Variants in CLYBL observed in about 807,000 individuals in gnomAD.
CLYBL encodes citramalyl-CoA lyase, also known as citramalyl-CoA lyase, mitochondrial.
Under a neutral mutation model 38.9 loss-of-function variants are expected in CLYBL, and 31 were observed. The observed-to-expected ratio is 0.80, with a 90% CI of 0.60 to 1.08. The LOEUF (loss-of-function observed/expected upper bound fraction) is 1.08, where lower values mean the gene tolerates loss of function less well. Among genes scored for constraint, CLYBL ranks in the 50% least tolerant of loss-of-function variants. The probability of loss-of-function intolerance (pLI) is 0.00; values close to 1 mark genes in which losing one functional copy is unlikely to be tolerated. For missense variants in CLYBL, 434 were observed against 411.6 expected (o/e 1.05, Z -0.47); for synonymous variants, 171 against 158.6 (o/e 1.08, Z -0.59).
At chr13:99,870,473 T>A (rs527831201) in intron 6 of CLYBL, among the ~76,000 whole-genome samples, 4,467 of 152,302 alleles carry the variant, frequency 0.029, no homozygotes, top group Non-Finnish European at 0.045. Flanking sequence ...GCAGACCATT[T>A]CTAAGAGAAA....
At chr13:99,791,426 A>G (rs952884141) in intron 2 of CLYBL, among the ~76,000 whole-genome samples, 2 of 152,174 alleles carry the variant, frequency 1.3e-5, no homozygotes, top group African/African-American at 4.8e-5. Context: ...AAAATTTAAG[A>G]GAGTGAGTAA....
intron 1 of CLYBL, among the ~76,000 whole-genome samples, chr13:99,610,703 A>G (rs2139170075): frequency 6.6e-6 from 1 of 152,312 alleles, no homozygotes; most frequent in South Asian, 2.1e-4. Context: ...ATGAGCACTT[A>G]AGGTCTTTCC....
At chr13:99,799,169 G>A (rs1289249607) in intron 2 of CLYBL, among the ~76,000 whole-genome samples, 3 of 152,114 alleles carry the variant, frequency 2.0e-5, no homozygotes, top group Admixed American at 6.5e-5. Flanking sequence ...GCTATTTTCT[G>A]TGAAGTCAGT....
At chr13:99,790,431 G>T (rs2049891416) in intron 2 of CLYBL, among the ~76,000 whole-genome samples, 1 of 152,176 alleles carries the variant, frequency 6.6e-6, no homozygotes, top group Admixed American at 6.5e-5. Context: ...TGTCTGTAAA[G>T]GATTTTATTT....
At chr13:99,839,851 T>C (rs564646773) in intron 2 of CLYBL, among the ~76,000 whole-genome samples, 114 of 152,278 alleles carry the variant, frequency 7.5e-4, no homozygotes, top group African/African-American at 2.6e-3. Context: ...ACCCTTCTAG[T>C]TATTTTTAAA....
chr13:99,696,943 A>G (rs1020713113), intron 1 of CLYBL, among the ~76,000 whole-genome samples: 1 of 152,172 alleles, frequency 6.6e-6, no homozygotes, highest in Non-Finnish European at 1.5e-5. Flanking sequence ...AACATACTGC[A>G]TCTTTTGACC....
chr13:99,824,497 G>C (rs1223935321), intron 2 of CLYBL, among the ~76,000 whole-genome samples: 1 of 152,150 alleles, frequency 6.6e-6, no homozygotes, highest in African/African-American at 2.4e-5. Flanking sequence ...GTATGTTTTA[G>C]TGAAGATTGT....
chr13:99,819,452 ATATAT>A (rs2050538446), intron 2 of CLYBL, among the ~76,000 whole-genome samples: 3 of 83,070 alleles, frequency 3.6e-5, no homozygotes, highest in African/African-American at 1.5e-4. Context: ...ATATATATAT[ATATAT>A]ATATATATAT....
chr13:99,784,545 C>G (rs1020149850), intron 2 of CLYBL, among the ~76,000 whole-genome samples: 1 of 147,646 alleles, frequency 6.8e-6, no homozygotes, highest in Non-Finnish European at 1.5e-5. Context: ...ACCTCTACCT[C>G]CTGGGTTCAA....
At chr13:99,811,431 T>TGGGG (rs1242981885) in intron 2 of CLYBL, among the ~76,000 whole-genome samples, 2 of 152,124 alleles carry the variant, frequency 1.3e-5, no homozygotes, top group African/African-American at 4.8e-5. Context: ...CAGGGAAGGA[T>TGGGG]GGGGGTGGGA....
chr13:99,676,190 T>TCCTTCCTTCCG (rs1566606807), intron 1 of CLYBL, among the ~76,000 whole-genome samples: 1 of 20,462 alleles, frequency 4.9e-5, no homozygotes, highest in Non-Finnish European at 2.0e-4. Context: ...CCGTCCGTCC[T>TCCTTCCTTCCG]TCCTTCCTTC....
chr13:99,741,514 T>G (rs764364412), intron 1 of CLYBL, among the ~76,000 whole-genome samples: 1 of 152,024 alleles, frequency 6.6e-6, no homozygotes, highest in Non-Finnish European at 1.5e-5. Context: ...AGGAAATACC[T>G]CTCAACACAA....
chr13:99,890,496 C>T (rs893823548), intron 7 of CLYBL, among the ~76,000 whole-genome samples: 4 of 152,108 alleles, frequency 2.6e-5, no homozygotes, highest in African/African-American at 4.8e-5. Context: ...GATGGAGTCC[C>T]GCTCTGTCAC....
intron 1 of CLYBL, among the ~76,000 whole-genome samples, chr13:99,720,952 C>T (rs9513652): frequency 1.3e-5 from 2 of 151,662 alleles, no homozygotes; most frequent in Non-Finnish European, 2.9e-5. Flanking sequence ...GTCTCATGTT[C>T]CCTCGTTTCT....
At chr13:99,671,299 G>A (rs1031821544) in intron 1 of CLYBL, among the ~76,000 whole-genome samples, 7 of 152,006 alleles carry the variant, frequency 4.6e-5, no homozygotes, top group South Asian at 2.1e-4. Context: ...TTGTTTTCTC[G>A]TATAATGTTT....
At chr13:99,723,181 C>T (rs1008425495) in intron 1 of CLYBL, among the ~76,000 whole-genome samples, 1 of 152,166 alleles carries the variant, frequency 6.6e-6, no homozygotes, top group African/African-American at 2.4e-5. Flanking sequence ...TGTGACTTTC[C>T]CAGGCTGGTG....
intron 1 of CLYBL, among the ~76,000 whole-genome samples, chr13:99,723,110 T>C (rs2048418242): frequency 6.6e-6 from 1 of 152,240 alleles, no homozygotes; most frequent in Non-Finnish European, 1.5e-5. Context: ...TTTTGGCTCT[T>C]GTGCAGGGCT....
chr13:99,784,300 T>C (rs1450953012), intron 2 of CLYBL, among the ~76,000 whole-genome samples: 1 of 152,168 alleles, frequency 6.6e-6, no homozygotes, highest in African/African-American at 2.4e-5. Flanking sequence ...CTCAATTTAC[T>C]CTCTCTAACC....
At chr13:99,748,072 C>G (rs899375357) in intron 1 of CLYBL, among the ~76,000 whole-genome samples, 1 of 152,162 alleles carries the variant, frequency 6.6e-6, no homozygotes, top group Non-Finnish European at 1.5e-5. Context: ...CGAACTGAAA[C>G]TATACCCATT....
Sources: gnomAD v4.1 joint callset for allele counts (sites outside exome capture counted in the v4.1 genomes callset) on GRCh38, gnomAD v4.1.1 for gene constraint, MANE v1.5 for transcripts, NCBI Gene and HGNC (gene_info 2026-07-23, HGNC 2026-07-21) for gene names.